Variants in TTC3 observed in about 807,000 individuals in gnomAD.
TTC3 encodes the protein tetratricopeptide repeat domain 3.
TTC3 carries 180 observed loss-of-function variants against 249.6 expected under a neutral mutation model. The observed-to-expected ratio is 0.72, with a 90% CI of 0.64 to 0.82. TTC3 has a LOEUF of 0.82. TTC3 is among the 40% of genes least tolerant of loss of function. The probability of loss-of-function intolerance (pLI) is 0.00; values close to 1 mark genes in which losing one functional copy is unlikely to be tolerated. For missense variants in TTC3, 2,061 were observed against 2,398.4 expected (o/e 0.86, Z 2.94); for synonymous variants, 717 against 805.0 (o/e 0.89, Z 1.85).
At chr21:37,099,564 T>G (rs940628775) in intron 10 of TTC3, among the ~76,000 whole-genome samples, 2 of 152,200 alleles carry the variant, frequency 1.3e-5, no homozygotes, top group South Asian at 4.1e-4. Context: ...TATGAGGAAA[T>G]GATTATCCTT....
At chr21:37,138,564 T>C (rs2078162689) in intron 18 of TTC3, 70 bp from the exon 19 acceptor site, 1 of 1,021,080 alleles carries the variant, frequency 9.8e-7, no homozygotes, top group Non-Finnish European at 1.5e-6. Flanking sequence ...CACTTCTTTT[T>C]CTGTTGTGAC....
At chr21:37,085,017 A>C (rs1275102584) in intron 1 of TTC3, among the ~76,000 whole-genome samples, 3 of 149,676 alleles carry the variant, frequency 2.0e-5, no homozygotes, top group African/African-American at 7.4e-5. Context: ...ACAAACCAAA[A>C]CAAAATAGAA....
intron 15 of TTC3, among the ~76,000 whole-genome samples, chr21:37,128,189 G>T (rs1239864538): frequency 1.3e-5 from 2 of 152,178 alleles, no homozygotes; most frequent in Admixed American, 1.3e-4. Flanking sequence ...CATTGGCTCT[G>T]ACTTGTGTCT....
chr21:37,191,045 G>A (rs2084023227), intron 39 of TTC3, among the ~76,000 whole-genome samples: 1 of 152,168 alleles, frequency 6.6e-6, no homozygotes, highest in Admixed American at 6.5e-5. Context: ...AAAGATGTCA[G>A]ATGAAGAACG....
rs762282070 is a variant in TTC3 at position 37,197,715 on chromosome 21, C to T, written c.5706+19C>T. On this transcript the variant is annotated intron_variant, in intron 43 of 45. Coordinates refer to ENST00000355666, the Ensembl canonical transcript of TTC3. ...GAAAAAGGTATTTTATCTAGATGTT[C>T]CAGTTTATCCTTATTTATTTATAAA... 3.9e-6 allele frequency: 6 copies of T among 1,552,254 alleles called. No homozygotes were observed. The highest frequency in any genetic ancestry group is 5.2e-6 in the Non-Finnish European group (6 of 1,152,790).
intron 35 of TTC3, among the ~76,000 whole-genome samples, chr21:37,181,229 C>T (rs117096827): frequency 1.3e-5 from 2 of 152,338 alleles, no homozygotes; most frequent in Non-Finnish European, 2.9e-5. Context: ...GTTTATAATA[C>T]TTTGTGCTTC....
intron 10 of TTC3, among the ~76,000 whole-genome samples, chr21:37,099,923 A>C (rs577239402): frequency 6.6e-6 from 1 of 152,380 alleles, no homozygotes; most frequent in East Asian, 1.9e-4. Context: ...GTATATTCAT[A>C]CAATGGAATT....
intron 11 of TTC3, among the ~76,000 whole-genome samples, chr21:37,110,156 C>T (rs2075516925): frequency 6.6e-6 from 1 of 152,238 alleles, no homozygotes; most frequent in Non-Finnish European, 1.5e-5. Flanking sequence ...AGTGCCTCTC[C>T]TCCTCCAAAG....
intron 16 of TTC3, among the ~76,000 whole-genome samples, chr21:37,130,476 C>G (rs1601653644): frequency 6.6e-6 from 1 of 152,074 alleles, no homozygotes; most frequent in Non-Finnish European, 1.5e-5. Context: ...CCATATGGGA[C>G]TATTTCTTCA....
chr21:37,091,192 A>G (rs938078006), intron 6 of TTC3, 101 bp from the exon 7 acceptor site: 6 of 1,277,170 alleles, frequency 4.7e-6, no homozygotes, highest in South Asian at 2.6e-5. Context: ...CCAGTTTTGT[A>G]GTAAGGATCT....
chr21:37,193,364 T>TC (rs2084433354), intron 41 of TTC3, among the ~76,000 whole-genome samples: 1 of 49,028 alleles, frequency 2.0e-5, no homozygotes, highest in East Asian at 4.2e-3. Context: ...TGAATTCATC[T>TC]GAAAAAAAAA....
exon 42 of TTC3, chr21:37,195,929 G>T: frequency 1.2e-6 from 2 of 1,614,230 alleles, no homozygotes; most frequent in Admixed American, 1.7e-5. Flanking sequence ...TGGCTGATCG[G>T]AAGCAGCCTG....
chr21:37,129,459 A>G (rs1391281380), intron 16 of TTC3, among the ~76,000 whole-genome samples: 2 of 152,172 alleles, frequency 1.3e-5, no homozygotes, highest in African/African-American at 4.8e-5. Context: ...TAACAGTTTC[A>G]TGACTATTGG....
In TTC3 at chr21:37,088,207, TG is replaced by T; in HGVS notation, c.200del (p.Cys67SerfsTer21). 6.3e-7 allele frequency: 1 copy of T among 1,580,670 alleles called. No homozygotes were observed. Among genetic ancestry groups the T allele is most frequent in the Non-Finnish European group, 8.6e-7 (1 of 1,165,426 alleles). ...TTTTTTTAATTAAGAATTTGACATCTGCAGTATATGGTGTAGTAAACCAATT... is the reference window on the plus strand; with the variant it reads ...TTTTTTTAATTAAGAATTTGACATCTCAGTATATGGTGTAGTAAACCAATT... On this transcript the variant is annotated frameshift_variant, in exon 4 of 46. Transcript: ENST00000355666. LOFTEE classifies it high-confidence loss of function.
intron 16 of TTC3, among the ~76,000 whole-genome samples, chr21:37,131,631 G>A (rs2077475773): frequency 6.6e-6 from 1 of 152,072 alleles, no homozygotes; most frequent in Non-Finnish European, 1.5e-5. Context: ...AGTCAGCAGG[G>A]CAGGAGTGTG....
chr21:37,088,881 G>A, exon 5 of TTC3: 1 of 1,613,476 alleles, frequency 6.2e-7, no homozygotes, highest in South Asian at 1.1e-5. Context: ...GGCAAAGAAA[G>A]TTGCTGTAAG....
chr21:37,149,398 ATAAT>A (rs2079258360), intron 23 of TTC3, among the ~76,000 whole-genome samples: 1 of 152,338 alleles, frequency 6.6e-6, no homozygotes, highest in East Asian at 1.9e-4. Context: ...ACATTTTCAC[ATAAT>A]TAATTAACAA....
intron 18 of TTC3, among the ~76,000 whole-genome samples, chr21:37,137,148 A>G (rs371427510): frequency 1.3e-5 from 2 of 152,318 alleles, no homozygotes; most frequent in East Asian, 1.9e-4. Context: ...GTACAAGGAG[A>G]TGAATGTTGT....
chr21:37,096,485 T>G, intron 9 of TTC3, 96 bp from the exon 10 acceptor site: 1 of 925,122 alleles, frequency 1.1e-6, no homozygotes, highest in Non-Finnish European at 1.7e-6. Context: ...TATGTAAAGT[T>G]TAAAAAAAGT....
Sources: gnomAD v4.1 joint callset for allele counts (sites outside exome capture counted in the v4.1 genomes callset) on GRCh38, gnomAD v4.1.1 for gene constraint, MANE v1.5 for transcripts, NCBI Gene and HGNC (gene_info 2026-07-23, HGNC 2026-07-21) for gene names.